CDH18: variants seen among roughly 807,000 people sequenced by gnomAD.
CDH18 encodes the protein cadherin-18.
A neutral mutation model predicts 67.9 loss-of-function variants in CDH18; 31 were observed. The observed-to-expected ratio is 0.46, with a 90% CI of 0.34 to 0.62. The LOEUF (loss-of-function observed/expected upper bound fraction) is 0.62. Among genes scored for constraint, CDH18 ranks in the 20% least tolerant of loss-of-function variants. The pLI is 0.01. For missense variants in CDH18, 890 were observed against 975.5 expected, an observed-to-expected ratio of 0.91 and a Z score of 1.17; for synonymous variants, 362 against 347.2, an observed-to-expected ratio of 1.04 and a Z score of -0.48.
intron 2 of CDH18, among the ~76,000 whole-genome samples, chr5:20,074,201 T>G (rs561141208): frequency 6.6e-6 from 1 of 152,286 alleles, no homozygotes; most frequent in South Asian, 2.1e-4. Context: ...TATAGACAGA[T>G]ATACTGCTGG....
chr5:20,007,586 G>A (rs1458425428), intron 2 of CDH18, among the ~76,000 whole-genome samples: 2 of 151,934 alleles, frequency 1.3e-5, no homozygotes, highest in African/African-American at 4.8e-5. Flanking sequence ...AAGAAAGTGT[G>A]AATAGTGCAG....
intron 5 of CDH18, among the ~76,000 whole-genome samples, chr5:19,701,368 A>G (rs1763220441): frequency 6.6e-6 from 1 of 152,174 alleles, no homozygotes; most frequent in African/African-American, 2.4e-5. Context: ...GTTTCTGTGA[A>G]CATTCTGGAA....
intron 2 of CDH18, among the ~76,000 whole-genome samples, chr5:20,089,054 A>T (rs1745210651): frequency 6.6e-6 from 1 of 152,160 alleles, no homozygotes; most frequent in Non-Finnish European, 1.5e-5. Context: ...GGAATATGAG[A>T]GAGATAGACT....
intron 1 of CDH18, among the ~76,000 whole-genome samples, chr5:20,338,979 C>T (rs1219345702): frequency 6.6e-6 from 1 of 152,146 alleles, no homozygotes; most frequent in African/African-American, 2.4e-5. Flanking sequence ...ATAGGCAGTA[C>T]TTATGACAGC....
chr5:20,323,905 T>A (rs1738283971), intron 1 of CDH18, among the ~76,000 whole-genome samples: 1 of 152,230 alleles, frequency 6.6e-6, no homozygotes, highest in Non-Finnish European at 1.5e-5. Flanking sequence ...TGAAAGTTCA[T>A]AACAGAATAT....
In CDH18 at chr5:20,357,813, A is replaced by G. The variant is rs181282729; in HGVS notation, c.-579-102308T>C. Among the ~76,000 whole-genome samples, 41 of 152,330 alleles carry G rather than the reference A, an allele frequency of 2.7e-4. 2 individuals are homozygous for G. Among genetic ancestry groups the G allele is most frequent in the Admixed American group, 2.6e-3 (40 of 15,298 alleles). On this transcript the variant is annotated intron_variant, in intron 1 of 14. Transcript: ENST00000507958. ...TTATTGGGTATATACCCAAAGGAAA[A>G]TAAATGATTCTACCAAAAGGACATA... is the stretch of plus-strand genomic sequence containing the variant.
chr5:20,537,088 G>T (rs550981552), intron 1 of CDH18, among the ~76,000 whole-genome samples: 1 of 152,094 alleles, frequency 6.6e-6, no homozygotes, highest in Non-Finnish European at 1.5e-5. Flanking sequence ...CCAGCCCATT[G>T]CAGGGACTTC....
chr5:20,125,300 G>GTA (rs376656903), intron 2 of CDH18, among the ~76,000 whole-genome samples: 4 of 151,616 alleles, frequency 2.6e-5, no homozygotes, highest in South Asian at 4.2e-4. Flanking sequence ...GTGTGTGTGT[G>GTA]TATATGTGTT....
At chr5:19,748,321 TAAC>T (rs1404029521) in intron 3 of CDH18, among the ~76,000 whole-genome samples, 3 of 151,706 alleles carry the variant, frequency 2.0e-5, no homozygotes, top group Non-Finnish European at 4.4e-5. Flanking sequence ...ATTAGAAAAG[TAAC>T]AATAAATTAC....
chr5:19,851,524 T>G (rs936821705), intron 2 of CDH18, among the ~76,000 whole-genome samples: 2 of 150,628 alleles, frequency 1.3e-5, no homozygotes, highest in African/African-American at 4.9e-5. Context: ...ATAAAATAAT[T>G]AACAGTTGTA....
intron 1 of CDH18, among the ~76,000 whole-genome samples, chr5:19,981,473 A>T (rs2150362040): frequency 6.6e-6 from 1 of 152,280 alleles, no homozygotes; most frequent in East Asian, 1.9e-4. Context: ...GAAGTCCAGG[A>T]TTGAGGCACT....
intron 4 of CDH18, among the ~76,000 whole-genome samples, chr5:19,746,137 T>TA (rs1436592786): frequency 6.6e-6 from 1 of 151,964 alleles, no homozygotes. Context: ...AACTACTTTT[T>TA]AAAAAATCAT....
At chr5:19,659,222 C>T (rs968913344) in intron 5 of CDH18, among the ~76,000 whole-genome samples, 1 of 152,172 alleles carries the variant, frequency 6.6e-6, no homozygotes, top group African/African-American at 2.4e-5. Flanking sequence ...ATAACTGCCA[C>T]CACCATCAAG....
At chr5:20,062,588 C>T (rs1299784349) in intron 2 of CDH18, among the ~76,000 whole-genome samples, 2 of 152,134 alleles carry the variant, frequency 1.3e-5, no homozygotes, top group African/African-American at 4.8e-5. Context: ...AGCATGAGAA[C>T]ATTTCTCTAC....
chr5:19,732,823 T>G (rs951386011), intron 4 of CDH18, among the ~76,000 whole-genome samples: 3 of 152,198 alleles, frequency 2.0e-5, no homozygotes, highest in Non-Finnish European at 4.4e-5. Flanking sequence ...AACTGTTTTT[T>G]GTGTGAGAAG....
chr5:19,961,894 A>AT (rs889826433), intron 2 of CDH18, among the ~76,000 whole-genome samples: 11 of 150,780 alleles, frequency 7.3e-5, no homozygotes, highest in African/African-American at 1.5e-4. Context: ...TTTACCTTTT[A>AT]TTTTTTTTAC....
intron 5 of CDH18, among the ~76,000 whole-genome samples, chr5:19,714,545 A>C (rs1765116092): frequency 6.6e-6 from 1 of 150,978 alleles, no homozygotes; most frequent in Admixed American, 6.6e-5. Context: ...GGAACCTATT[A>C]ATTTTTTTTC....
chr5:19,667,456 T>C (rs1264615568), intron 5 of CDH18, among the ~76,000 whole-genome samples: 1 of 149,204 alleles, frequency 6.7e-6, no homozygotes, highest in Non-Finnish European at 1.5e-5. Flanking sequence ...TATAATTAAT[T>C]TCATGAGACT....
At chr5:19,880,864 G>T (rs1787567420) in intron 2 of CDH18, among the ~76,000 whole-genome samples, 1 of 152,044 alleles carries the variant, frequency 6.6e-6, no homozygotes, top group South Asian at 2.1e-4. Context: ...CTCTCAAAAG[G>T]AATGTTTCCC....
Sources: allele counts gnomAD v4.1 joint callset (sites outside exome capture counted in the v4.1 genomes callset), GRCh38; gene constraint gnomAD v4.1.1; transcripts MANE v1.5; gene names NCBI Gene and HGNC (gene_info 2026-07-23, HGNC 2026-07-21).